The following TCF12 variants were observed in gnomAD, a reference collection of about 807,000 sequenced individuals.
TCF12 encodes DNA-binding protein HTF4.
TCF12 carries 45 observed loss-of-function variants against 86.0 expected under a neutral mutation model. The observed-to-expected ratio is 0.52, with a 90% CI of 0.41 to 0.67. The LOEUF is 0.67. Ranked by LOEUF, TCF12 falls within the 30% of genes least tolerant of loss-of-function variation. TCF12 has a pLI of 0.00. For synonymous variants in TCF12, 330 were observed against 299.6 expected, an observed-to-expected ratio of 1.10 and a Z score of -1.05; for missense variants, 881 against 859.9, an observed-to-expected ratio of 1.02 and a Z score of -0.31.
intron 3 of TCF12, among the ~76,000 whole-genome samples, chr15:57,017,107 G>A (rs1459644719): frequency 1.3e-5 from 2 of 152,148 alleles, no homozygotes; most frequent in Non-Finnish European, 2.9e-5. Flanking sequence ...CCTTGAAAGG[G>A]TGGCAGGCTA....
intron 5 of TCF12, among the ~76,000 whole-genome samples, chr15:57,100,948 T>A (rs1398423429): frequency 6.6e-6 from 1 of 152,186 alleles, no homozygotes; most frequent in East Asian, 1.9e-4. Context: ...ATATAGGTTT[T>A]TTTACTACAT....
At chr15:57,200,853 T>C (rs1472907179) in intron 8 of TCF12, among the ~76,000 whole-genome samples, 1 of 152,142 alleles carries the variant, frequency 6.6e-6, no homozygotes, top group Non-Finnish European at 1.5e-5. Context: ...GTATTAAATA[T>C]CATTAGAGCA....
At chr15:57,006,075 G>C (rs1039232071) in intron 3 of TCF12, among the ~76,000 whole-genome samples, 2 of 152,060 alleles carry the variant, frequency 1.3e-5, no homozygotes, top group African/African-American at 4.8e-5. Flanking sequence ...TCTGTGGTTT[G>C]CAATGTCTGT....
chr15:57,271,688 G>A (rs1236442240), intron 18 of TCF12, among the ~76,000 whole-genome samples: 1 of 152,182 alleles, frequency 6.6e-6, no homozygotes, highest in Non-Finnish European at 1.5e-5. Flanking sequence ...ACTGGGAGCT[G>A]TAGACCAGAG....
At chr15:56,926,232 G>A (rs1159455260) in intron 3 of TCF12, among the ~76,000 whole-genome samples, 1 of 151,460 alleles carries the variant, frequency 6.6e-6, no homozygotes, top group African/African-American at 2.4e-5. Context: ...AGAATTGCTT[G>A]AACCCAGGAG....
intron 12 of TCF12, among the ~76,000 whole-genome samples, chr15:57,240,246 A>G (rs1242987771): frequency 6.6e-6 from 1 of 152,240 alleles, no homozygotes; most frequent in East Asian, 1.9e-4. Flanking sequence ...TTAATAAGAC[A>G]AATTCCTCAT....
At chr15:57,055,383 G>A (rs371147928) in intron 3 of TCF12, among the ~76,000 whole-genome samples, 1 of 152,034 alleles carries the variant, frequency 6.6e-6, no homozygotes, top group African/African-American at 2.4e-5. Flanking sequence ...CCTGGGTGAC[G>A]AGCAAAAACT....
chr15:57,225,073 A>T (rs957313712), intron 8 of TCF12, among the ~76,000 whole-genome samples: 15 of 152,170 alleles, frequency 9.9e-5, no homozygotes, highest in African/African-American at 3.1e-4. Context: ...ATTGAATTAG[A>T]CTATCATTTT....
chr15:57,234,052 G>A lies in TCF12; in HGVS notation c.980G>A (p.Gly327Glu). Residue 327 changes from glycine (G) to glutamate (E), a missense_variant, in exon 12 of 21, where the codon GGG becomes GAG. Physicochemically the swap from Gly to Glu is moderately conservative, Grantham distance 98. Around this residue, in one of 3 missense-constraint regions of TCF12, gnomAD observed 766 missense variants for 718.9 expected, o/e 1.07. Transcript: ENST00000333725. ...NGSDSILGTR[G>E]NAAGSSQTGD... The stretch of plus-strand genomic sequence containing the variant: ...TCTATGAAATATCCAGGAACCAGAG[G>A]GAATGCTGCTGGAAGCTCACAGACA... 1.2e-6 allele frequency: 2 copies of A among 1,613,382 alleles called. No homozygotes were observed. Among genetic ancestry groups the A allele is most frequent in the South Asian group, 1.1e-5 (1 of 91,068 alleles).
At chr15:56,950,212 A>G (rs979826431) in intron 3 of TCF12, among the ~76,000 whole-genome samples, 2 of 151,952 alleles carry the variant, frequency 1.3e-5, no homozygotes, top group South Asian at 2.1e-4. Context: ...TGCATTTTCT[A>G]TACTGTGTTT....
At position 57,261,358 on chromosome 15, in the gene TCF12, T is replaced by G. The variant is rs79896054; in HGVS notation, c.1468-736T>G. On this transcript the variant is annotated intron_variant, in intron 16 of 20. Coordinates refer to ENST00000333725, the MANE Select transcript of TCF12 (RefSeq NM_207037.2). ...AAATTTTGCTTTGGTTCCTTTTGTT[T>G]AGTTCACAGAAAAACCAAAGGATAA... Among the ~76,000 whole-genome samples the G allele has an allele frequency of 2.3e-3, 353 of 152,314 alleles. 1 individual carries two copies. The highest frequency in any genetic ancestry group is 8.1e-3 in the African/African-American group (335 of 41,586).
chr15:57,287,532 T>C lies in TCF12; in HGVS notation c.*1387T>C, dbSNP rs1383405079. 1 of 152,662 alleles carries C rather than the reference T, an allele frequency of 6.6e-6. No homozygotes were observed. The highest frequency in any genetic ancestry group is 1.5e-5 in the Non-Finnish European group (1 of 68,052). 9.5% of individuals were successfully genotyped at this position (152,662 alleles called of 1,614,324 possible). ...TGTCTCTAATCCTTAGGAGTTGTTT[T>C]AAAAGACATAATCACTTTGAACTTC... On this transcript the variant is annotated 3_prime_UTR_variant, in exon 21 of 21. Transcript: ENST00000333725.
chr15:57,252,911 T>C (rs2152017719), intron 15 of TCF12, among the ~76,000 whole-genome samples: 2 of 149,870 alleles, frequency 1.3e-5, no homozygotes, highest in African/African-American at 4.9e-5. Context: ...AGATCAGTAT[T>C]AAAGTATAGG....
upstream of TCF12, chr15:56,918,351 G>GC (rs1264166491): frequency 4.6e-6 from 2 of 436,082 alleles, no homozygotes; most frequent in Non-Finnish European, 9.3e-6. Flanking sequence ...GCGAGGAGGC[G>GC]CCACGGTACC....
intron 20 of TCF12, 26 bp downstream of exon 20, chr15:57,282,624 G>A: frequency 6.3e-7 from 1 of 1,597,740 alleles, no homozygotes; most frequent in Non-Finnish European, 8.5e-7. Context: ...AAAAGAAACA[G>A]CAAGGAAATA....
Position 57,167,571 on chromosome 15 carries a change from A to C in TCF12, c.390+1105A>C, listed in dbSNP as rs532074717. Among the ~76,000 whole-genome samples the C allele has an allele frequency of 3.3e-5, 5 of 152,186 alleles. No individual in the cohort carries two copies. In the South Asian group the frequency reaches 8.3e-4, roughly 25 times the overall value. ...AAGACTCTGTCTCAAAAAGAGAGAG[A>C]GAGAAAGGAGGGAAGGAGGGAAGAG... On this transcript the variant is annotated intron_variant, in intron 6 of 20. Coordinates refer to ENST00000333725, the MANE Select transcript of TCF12 (RefSeq NM_207037.2).
chr15:56,955,210 A>G (rs1359659558), intron 3 of TCF12, among the ~76,000 whole-genome samples: 1 of 152,238 alleles, frequency 6.6e-6, no homozygotes, highest in African/African-American at 2.4e-5. Flanking sequence ...ACCATGGAAT[A>G]CTATGCAGCC....
chr15:56,951,034 A>G (rs554955099), intron 3 of TCF12, among the ~76,000 whole-genome samples: 123 of 151,860 alleles, frequency 8.1e-4, no homozygotes, highest in Non-Finnish European at 2.8e-4. Flanking sequence ...GGGATTACAG[A>G]TACGAGCCAC....
chr15:57,091,704 A>G (rs1206232619), intron 4 of TCF12, 85 bp from the exon 5 acceptor site: 3 of 891,592 alleles, frequency 3.4e-6, no homozygotes, highest in African/African-American at 1.6e-5. Context: ...GTAAGTCTGT[A>G]TATTAATTAG....
Sources: gnomAD v4.1 joint callset for allele counts (sites outside exome capture counted in the v4.1 genomes callset) on GRCh38, gnomAD v4.1.1 for gene constraint, gnomAD v4.1.1 regional missense constraint, MANE v1.5 for transcripts, NCBI Gene and HGNC (gene_info 2026-07-23, HGNC 2026-07-21) for gene names.